FILIP1L: variants seen among roughly 807,000 people sequenced by gnomAD.
FILIP1L encodes filamin A-interacting protein 1-like.
FILIP1L carries 55 observed loss-of-function variants against 96.6 expected under a neutral mutation model. The ratio of observed to expected loss-of-function variants is 0.57; its 90% CI spans 0.46 to 0.71. The LOEUF is 0.71. FILIP1L is among the 30% of genes least tolerant of loss of function. The pLI, the probability that FILIP1L is intolerant of heterozygous loss-of-function variation, is 0.00. For synonymous variants in FILIP1L, 467 were observed against 473.9 expected, an observed-to-expected ratio of 0.99 and a Z score of 0.19; for missense variants, 1,304 against 1,321.2, an observed-to-expected ratio of 0.99 and a Z score of 0.20.
intron 1 of FILIP1L, among the ~76,000 whole-genome samples, chr3:99,945,626 A>G (rs1338770278): frequency 1.3e-5 from 2 of 152,242 alleles, no homozygotes; most frequent in Admixed American, 6.5e-5. Flanking sequence ...CACACAGACT[A>G]AACTAAGCTC....
At chr3:100,096,442 A>C (rs1040997405) in intron 1 of FILIP1L, among the ~76,000 whole-genome samples, 3 of 152,264 alleles carry the variant, frequency 2.0e-5, no homozygotes, top group Non-Finnish European at 4.4e-5. Flanking sequence ...AAAGATAATG[A>C]GATCCTGTCA....
chr3:100,106,046 G>A (rs1287088859), intron 1 of FILIP1L, among the ~76,000 whole-genome samples: 1 of 152,034 alleles, frequency 6.6e-6, no homozygotes, highest in African/African-American at 2.4e-5. Context: ...ACCTCCTAGG[G>A]GTTTCAATTA....
At chr3:99,963,990 G>T (rs1559705644) in intron 1 of FILIP1L, among the ~76,000 whole-genome samples, 8 of 151,976 alleles carry the variant, frequency 5.3e-5, no homozygotes, top group Admixed American at 4.6e-4. Context: ...GAGCTCCCAG[G>T]TACAACCAAG....
intron 4 of FILIP1L, among the ~76,000 whole-genome samples, chr3:99,865,017 A>T (rs918174596): frequency 2.0e-5 from 3 of 152,150 alleles, no homozygotes; most frequent in African/African-American, 7.2e-5. Flanking sequence ...GGTATTCAAT[A>T]AATATTTGAA....
intron 5 of FILIP1L, among the ~76,000 whole-genome samples, chr3:99,842,504 C>CAA (rs10935983): frequency 7.6e-6 from 1 of 131,530 alleles, no homozygotes; most frequent in Admixed American, 7.7e-5. Flanking sequence ...TAAAACAGGC[C>CAA]AAAAAAAAAA....
intron 1 of FILIP1L, among the ~76,000 whole-genome samples, chr3:100,097,059 G>T (rs1329021166): frequency 6.6e-6 from 1 of 152,158 alleles, no homozygotes; most frequent in Non-Finnish European, 1.5e-5. Context: ...TGAGCAGCAG[G>T]CAAGCCAGCA....
At chr3:99,932,086 A>C (rs187510676) in intron 1 of FILIP1L, among the ~76,000 whole-genome samples, 1 of 152,336 alleles carries the variant, frequency 6.6e-6, no homozygotes, top group African/African-American at 2.4e-5. Flanking sequence ...CAAATTTATA[A>C]AATTTTAATA....
At chr3:99,841,719 C>T (rs1035507022) in intron 5 of FILIP1L, among the ~76,000 whole-genome samples, 2 of 152,098 alleles carry the variant, frequency 1.3e-5, no homozygotes, top group Non-Finnish European at 2.9e-5. Context: ...ATGGCAAACA[C>T]ACATATAAAA....
intron 1 of FILIP1L, among the ~76,000 whole-genome samples, chr3:100,110,811 T>G (rs533596348): frequency 5.9e-5 from 9 of 152,274 alleles, no homozygotes; most frequent in African/African-American, 2.2e-4. Context: ...AGCCTACTTA[T>G]GCTTGCACCA....
intron 1 of FILIP1L, among the ~76,000 whole-genome samples, chr3:100,084,648 G>A (rs1050843420): frequency 5.9e-5 from 9 of 152,170 alleles, no homozygotes; most frequent in Non-Finnish European, 8.8e-5. Context: ...GGATTTGACC[G>A]TAAAGCCATA....
chr3:100,000,499 A>G (rs982915606), intron 1 of FILIP1L, among the ~76,000 whole-genome samples: 5 of 152,210 alleles, frequency 3.3e-5, no homozygotes, highest in African/African-American at 1.2e-4. Flanking sequence ...GCTGGAAGAA[A>G]GGGTAAAAAC....
At chr3:99,953,256 G>A (rs1309095429) in intron 1 of FILIP1L, among the ~76,000 whole-genome samples, 2 of 151,962 alleles carry the variant, frequency 1.3e-5, no homozygotes, top group African/African-American at 4.8e-5. Flanking sequence ...ATAACCAATC[G>A]TTTCTTTGTT....
At chr3:100,098,885 T>G (rs973767352) in intron 1 of FILIP1L, among the ~76,000 whole-genome samples, 13 of 152,212 alleles carry the variant, frequency 8.5e-5, no homozygotes, top group Non-Finnish European at 1.3e-4. Context: ...AAGAAATATT[T>G]TTGATTCATT....
At chr3:99,965,519 C>G (rs1225547312) in intron 1 of FILIP1L, among the ~76,000 whole-genome samples, 1 of 152,016 alleles carries the variant, frequency 6.6e-6, no homozygotes, top group Non-Finnish European at 1.5e-5. Flanking sequence ...CTTCCAGATA[C>G]TTTTCTTCAT....
intron 1 of FILIP1L, among the ~76,000 whole-genome samples, chr3:100,076,146 GCCCGGAAAA>G (rs2065847019): frequency 6.6e-6 from 1 of 152,116 alleles, no homozygotes; most frequent in Non-Finnish European, 1.5e-5. Context: ...TAGTTATCTT[GCCCGGAAAA>G]CCCTTAAAAA....
intron 1 of FILIP1L, among the ~76,000 whole-genome samples, chr3:100,075,393 G>A (rs990576689): frequency 2.0e-5 from 3 of 152,150 alleles, no homozygotes; most frequent in African/African-American, 7.2e-5. Flanking sequence ...TTATGATAAC[G>A]AGCAGAGATT....
chr3:99,934,488 G>A (rs115099301), intron 1 of FILIP1L, among the ~76,000 whole-genome samples: 2,412 of 152,174 alleles, frequency 0.016, 58 homozygotes, highest in African/African-American at 0.054. Context: ...ATAGTCCTGT[G>A]TGGAACAATA....
intron 4 of FILIP1L, chr3:99,898,029 G>T (rs1465176540): frequency 6.6e-6 from 1 of 150,970 alleles, no homozygotes; most frequent in South Asian, 2.1e-4. Flanking sequence ...TCTCACATTG[G>T]TTTTTTTTTC....
At chr3:100,013,214 GTGT>G (rs35047568) in intron 1 of FILIP1L, among the ~76,000 whole-genome samples, 14,118 of 145,380 alleles carry the variant, frequency 0.097, 731 homozygotes, top group African/African-American at 0.14. Context: ...GGCCAGTGAG[GTGT>G]TGTTGTTGTT....
Sources: allele counts gnomAD v4.1 joint callset (sites outside exome capture counted in the v4.1 genomes callset), GRCh38; gene constraint gnomAD v4.1.1; transcripts MANE v1.5; gene names NCBI Gene and HGNC (gene_info 2026-07-23, HGNC 2026-07-21).